Variants in MTHFD2L observed in about 807,000 individuals in gnomAD.
MTHFD2L encodes the protein methylenetetrahydrofolate dehydrogenase (NADP+ dependent) 2 like.
Under a neutral mutation model 34.9 loss-of-function variants are expected in MTHFD2L, and 29 were observed. The ratio of observed to expected loss-of-function variants is 0.83; its 90% CI spans 0.62 to 1.13. MTHFD2L has a LOEUF of 1.13. Ranked by LOEUF, MTHFD2L falls within the 50% of genes most tolerant of loss-of-function variation. The pLI is 0.00. For missense variants in MTHFD2L, 481 were observed against 446.5 expected (o/e 1.08, Z -0.70); for synonymous variants, 167 against 155.7 (o/e 1.07, Z -0.54).
chr4:74,225,496 T>C, intron 6 of MTHFD2L, 102 bp downstream of exon 6: 1 of 846,258 alleles, frequency 1.2e-6, no homozygotes, highest in Non-Finnish European at 2.0e-6. Flanking sequence ...GTTAGCTTTA[T>C]GTATGACTAA....
At chr4:74,262,687 A>G (rs972605156) in intron 6 of MTHFD2L, among the ~76,000 whole-genome samples, 1 of 151,988 alleles carries the variant, frequency 6.6e-6, no homozygotes, top group African/African-American at 2.4e-5. Flanking sequence ...GTTTGCACAC[A>G]TCAGATTGGC....
chr4:74,236,994 G>A (rs943326580), intron 6 of MTHFD2L, among the ~76,000 whole-genome samples: 2 of 152,062 alleles, frequency 1.3e-5, no homozygotes, highest in African/African-American at 2.4e-5. Flanking sequence ...CCCATATCAG[G>A]CATAAAATAT....
chr4:74,124,626 G>C (rs2109784024), upstream of MTHFD2L, among the ~76,000 whole-genome samples: 1 of 152,032 alleles, frequency 6.6e-6, no homozygotes, highest in East Asian at 1.9e-4. Flanking sequence ...CATTTCTCAT[G>C]GTCCTAAAAA....
rs543689017 is a variant in MTHFD2L at position 74,270,650 on chromosome 4, T to C, written c.806-10775T>C. On this transcript the variant is annotated intron_variant, in intron 6 of 7. Transcript: ENST00000325278. ...AAACATACATCTGCATGTGTCTTTA[T>C]AGCAGCATGATTTATAATCCTTTGG... 4.0e-3 allele frequency among the ~76,000 whole-genome samples: 611 copies of C among 152,322 alleles called. 2 individuals carry two copies. The highest frequency in any genetic ancestry group is 0.014 in the South Asian group (67 of 4,828).
intron 6 of MTHFD2L, among the ~76,000 whole-genome samples, chr4:74,240,700 CTA>C (rs1741579107): frequency 6.6e-6 from 1 of 152,188 alleles, no homozygotes; most frequent in East Asian, 1.9e-4. Context: ...TCTGAATTCT[CTA>C]AATGAATTTT....
intron 3 of MTHFD2L, among the ~76,000 whole-genome samples, chr4:74,189,473 G>C (rs1359559393): frequency 4.8e-5 from 6 of 124,434 alleles, no homozygotes; most frequent in Non-Finnish European, 7.8e-5. Context: ...TGAGCAAGCA[G>C]TGTTTTTCTT....
chr4:74,185,896 C>T (rs1731144236), intron 3 of MTHFD2L, among the ~76,000 whole-genome samples: 1 of 152,116 alleles, frequency 6.6e-6, no homozygotes, highest in Non-Finnish European at 1.5e-5. Flanking sequence ...GCCAGCATTA[C>T]TCTGTTACTA....
chr4:74,282,674 C>T (rs548816315), intron 7 of MTHFD2L, among the ~76,000 whole-genome samples: 3 of 152,204 alleles, frequency 2.0e-5, no homozygotes, highest in African/African-American at 7.2e-5. Flanking sequence ...ATATGTGCAA[C>T]AATGCGTTCT....
At chr4:74,264,237 A>G (rs182547446) in intron 6 of MTHFD2L, among the ~76,000 whole-genome samples, 3 of 152,226 alleles carry the variant, frequency 2.0e-5, no homozygotes, top group Admixed American at 1.3e-4. Context: ...TATAATGTAT[A>G]CAGACTAGGA....
At chr4:74,185,471 TA>T (rs1355060088) in intron 3 of MTHFD2L, among the ~76,000 whole-genome samples, 1 of 151,652 alleles carries the variant, frequency 6.6e-6, no homozygotes, top group Non-Finnish European at 1.5e-5. Context: ...AAAGAAATAA[TA>T]AAGAACAGAG....
intron 7 of MTHFD2L, among the ~76,000 whole-genome samples, chr4:74,287,499 C>T (rs1229623857): frequency 6.6e-6 from 1 of 152,152 alleles, no homozygotes; most frequent in Non-Finnish European, 1.5e-5. Flanking sequence ...GTAATCCCAG[C>T]ATGTTGGGAG....
chr4:74,120,766 T>C (rs1008106141), upstream of MTHFD2L, among the ~76,000 whole-genome samples: 2 of 152,176 alleles, frequency 1.3e-5, no homozygotes, highest in Non-Finnish European at 2.9e-5. Flanking sequence ...TATACATAAG[T>C]GAGATGGCTT....
At chr4:74,240,288 T>C (rs1385558319) in intron 6 of MTHFD2L, among the ~76,000 whole-genome samples, 1 of 152,208 alleles carries the variant, frequency 6.6e-6, no homozygotes, top group East Asian at 1.9e-4. Context: ...TTTTAAAACT[T>C]TTTTGGGAGA....
intron 3 of MTHFD2L, among the ~76,000 whole-genome samples, chr4:74,184,108 A>G (rs1730696088): frequency 6.6e-6 from 1 of 152,228 alleles, no homozygotes. Flanking sequence ...AGATAAGAAA[A>G]AGTAGAATGA....
At chr4:74,236,781 TC>T (rs779509334) in intron 6 of MTHFD2L, among the ~76,000 whole-genome samples, 4 of 152,234 alleles carry the variant, frequency 2.6e-5, no homozygotes, top group Non-Finnish European at 5.9e-5. Flanking sequence ...TTTGGATATG[TC>T]CCATGAATAT....
chr4:74,195,141 T>A (rs2110035375), intron 3 of MTHFD2L: 1 of 152,316 alleles, frequency 6.6e-6, no homozygotes, highest in South Asian at 2.1e-4. Flanking sequence ...TCAAGGAACA[T>A]CAAGGGGACC....
intron 6 of MTHFD2L, among the ~76,000 whole-genome samples, chr4:74,277,101 T>C (rs1746758058): frequency 6.6e-6 from 1 of 151,890 alleles, no homozygotes; most frequent in Non-Finnish European, 1.5e-5. Context: ...AGTACCTCTA[T>C]TGCTTGCATA....
chr4:74,197,724 T>C (rs935840558), intron 3 of MTHFD2L, among the ~76,000 whole-genome samples: 1 of 152,186 alleles, frequency 6.6e-6, no homozygotes, highest in Non-Finnish European at 1.5e-5. Flanking sequence ...ATGGGCATGA[T>C]CATACCTTTC....
chr4:74,157,590 A>G (rs1016016058), upstream of MTHFD2L: 4 of 442,234 alleles, frequency 9.0e-6, no homozygotes, highest in African/African-American at 4.0e-5. Flanking sequence ...TAGAAATCCT[A>G]AAGTCCAGAC....
Sources: allele counts gnomAD v4.1 joint callset (sites outside exome capture counted in the v4.1 genomes callset), GRCh38; gene constraint gnomAD v4.1.1; transcripts MANE v1.5; gene names NCBI Gene and HGNC (gene_info 2026-07-23, HGNC 2026-07-21).